Variants in TIAM1 observed in about 807,000 individuals in gnomAD.
TIAM1 encodes the protein rho guanine nucleotide exchange factor TIAM1.
A neutral mutation model predicts 163.5 loss-of-function variants in TIAM1; 65 were observed. That is an observed-to-expected ratio of 0.40 (90% CI 0.33 to 0.49). The LOEUF is 0.49. Ranked by LOEUF, TIAM1 falls within the 20% of genes least tolerant of loss-of-function variation. The pLI, the probability that TIAM1 is intolerant of heterozygous loss-of-function variation, is 0.77. For missense variants in TIAM1, 1,789 were observed against 2,044.7 expected (o/e 0.87, Z 2.41); for synonymous variants, 833 against 810.1 (o/e 1.03, Z -0.48).
intron 2 of TIAM1, among the ~76,000 whole-genome samples, chr21:31,422,310 G>A (rs2043606462): frequency 6.6e-6 from 1 of 152,184 alleles, no homozygotes; most frequent in African/African-American, 2.4e-5. Context: ...TATCAAGGAT[G>A]GAAGATACTC....
At position 31,392,233 on chromosome 21, in the gene TIAM1, C is replaced by T. The variant is rs2076976969; in HGVS notation, c.-368-52811G>A. On this transcript the variant is annotated intron_variant, in intron 2 of 28. Coordinates refer to the TIAM1 transcript ENST00000286827. Reference sequence around the variant, plus strand: ...CTCCCATTCTCAGAAGCCATGAAAACACGGTATTTTAAGGTTAACTTGGTA... The same window carrying T: ...CTCCCATTCTCAGAAGCCATGAAAATACGGTATTTTAAGGTTAACTTGGTA... 2.6e-5 allele frequency among the ~76,000 whole-genome samples: 4 copies of T among 152,200 alleles called. No individual in the cohort carries two copies. The South Asian group carries it at 8.3e-4, about 32-fold the overall frequency.
chr21:31,329,338 A>T (rs897974126), intron 2 of TIAM1, among the ~76,000 whole-genome samples: 1 of 152,264 alleles, frequency 6.6e-6, no homozygotes, highest in African/African-American at 2.4e-5. Flanking sequence ...ACCCGCAAGA[A>T]GAAACGCTGA....
intron 2 of TIAM1, among the ~76,000 whole-genome samples, chr21:31,349,492 G>A (rs558645566): frequency 1.3e-5 from 2 of 152,166 alleles, no homozygotes; most frequent in South Asian, 4.1e-4. Flanking sequence ...GTGTTCACGG[G>A]GGGTAAAAGC....
intron 1 of TIAM1, among the ~76,000 whole-genome samples, chr21:31,480,856 CAATT>C (rs1382092661): frequency 6.6e-6 from 1 of 152,182 alleles, no homozygotes; most frequent in East Asian, 1.9e-4. Context: ...CAGGTTCAGA[CAATT>C]CTCCTGCCTC....
intron 3 of TIAM1, among the ~76,000 whole-genome samples, chr21:31,271,589 T>C (rs2073058316): frequency 6.6e-6 from 1 of 152,166 alleles, no homozygotes; most frequent in Non-Finnish European, 1.5e-5. Context: ...GGGAAAGAAT[T>C]AAGGGCTTGC....
intron 2 of TIAM1, among the ~76,000 whole-genome samples, chr21:31,321,858 G>A (rs2075327072): frequency 6.6e-6 from 1 of 151,462 alleles, no homozygotes; most frequent in Admixed American, 6.6e-5. Context: ...TTCAAGACCA[G>A]CCTGGCCAAA....
At chr21:31,552,281 T>C (rs566856121) in intron 1 of TIAM1, among the ~76,000 whole-genome samples, 21 of 152,044 alleles carry the variant, frequency 1.4e-4, no homozygotes, top group African/African-American at 5.1e-4. Context: ...TACAATCAAA[T>C]CGAACTTTGC....
intron 2 of TIAM1, among the ~76,000 whole-genome samples, chr21:31,426,832 C>T (rs1569321225): frequency 6.6e-6 from 1 of 152,120 alleles, no homozygotes; most frequent in East Asian, 1.9e-4. Context: ...AAGACAGATG[C>T]TATAAAGACA....
Position 31,240,303 on chromosome 21 carries a change from A to G in TIAM1, c.1584+5185T>C, listed in dbSNP as rs546554451. Among the ~76,000 whole-genome samples the G allele has an allele frequency of 5.3e-5, 8 of 152,324 alleles. No individual in the cohort carries two copies. In the South Asian group the frequency reaches 1.7e-3, roughly 32 times the overall value. The stretch of plus-strand genomic sequence containing the variant: ...CAGTGGTAAAAAATGGTCAAAATCA[A>G]CTTTTTCACAATTCCAGAAATTAAT... On this transcript the variant is annotated intron_variant, in intron 6 of 27. Coordinates refer to ENST00000541036, the MANE Select transcript of TIAM1 (RefSeq NM_001353694.2).
rs149044427 is a variant in TIAM1, at chr21:31,538,136, T to C, written c.-422+20791A>G. 3.7e-3 allele frequency among the ~76,000 whole-genome samples: 569 copies of C among 152,372 alleles called. 4 individuals are homozygous for C. Among genetic ancestry groups the C allele is most frequent in the Non-Finnish European group, 4.8e-3 (325 of 68,026 alleles). The stretch of plus-strand genomic sequence containing the variant: ...TCAGCATGTTCTGTTTCTAGATCTA[T>C]GTGCTGGTTACATGGTTTTATCCCA... On this transcript the variant is annotated intron_variant, in intron 1 of 28. Coordinates refer to the TIAM1 transcript ENST00000286827.
chr21:31,386,053 T>C (rs541588239), intron 2 of TIAM1, among the ~76,000 whole-genome samples: 2 of 151,922 alleles, frequency 1.3e-5, no homozygotes, highest in African/African-American at 2.4e-5. Flanking sequence ...GAGAATTAAC[T>C]TCAAGGTCAA....
chr21:31,223,498 T>C lies in TIAM1; in HGVS notation c.1903A>G (p.Asn635Asp). The change falls in exon 8 of 28, where the codon AAC (asparagine) becomes GAC (aspartate). Residue 635 changes from asparagine (N) to aspartate (D), a missense_variant. Asn to Asp is a conservative substitution (Grantham distance 23, BLOSUM62 1). This residue lies in a region of TIAM1 where 456 missense variants were observed against 586.6 expected (regional missense o/e 0.78). Transcript: ENST00000541036. Reference protein sequence around the residue: ...LASLQGGELPNPKRLLAFASR... With the variant: ...LASLQGGELPDPKRLLAFASR... ...GCAAAAGCGAGAAGCCTTTTGGGGT[T>C]TGGCAGCTCCCCACCCTGAAGGCTG... is the stretch of plus-strand genomic sequence containing the variant. 6.2e-7 allele frequency: 1 copy of C among 1,613,980 alleles called. No homozygotes were observed. Among genetic ancestry groups the C allele is most frequent in the Non-Finnish European group, 8.5e-7 (1 of 1,179,944 alleles).
chr21:31,384,736 G>A (rs1228719010), intron 2 of TIAM1, among the ~76,000 whole-genome samples: 1 of 152,126 alleles, frequency 6.6e-6, no homozygotes, highest in Admixed American at 6.5e-5. Context: ...GCTGTCAGTG[G>A]AGACCCAAGA....
chr21:31,405,436 T>C (rs1331266853), intron 2 of TIAM1, among the ~76,000 whole-genome samples: 1 of 152,122 alleles, frequency 6.6e-6, no homozygotes, highest in Non-Finnish European at 1.5e-5. Flanking sequence ...TGCTTTGCTC[T>C]GCCACTAATC....
chr21:31,427,606 G>A (rs115023119), intron 2 of TIAM1, among the ~76,000 whole-genome samples: 2,045 of 152,198 alleles, frequency 0.013, 43 homozygotes, highest in African/African-American at 0.046. Context: ...TTAGGAGGCC[G>A]AGGTCAGGAG....
At chr21:31,267,070 A>C in intron 3 of TIAM1, 87 bp from the exon 4 acceptor site, 9 of 1,492,500 alleles carry the variant, frequency 6.0e-6, no homozygotes, top group Non-Finnish European at 8.0e-6. Context: ...GCCTGCAGGG[A>C]GGGCAGAACA....
At chr21:31,222,433 A>G (rs941268230) in intron 8 of TIAM1, among the ~76,000 whole-genome samples, 1 of 152,046 alleles carries the variant, frequency 6.6e-6, no homozygotes, top group African/African-American at 2.4e-5. Context: ...TTATAAACAC[A>G]CAACACAACT....
intron 15 of TIAM1, among the ~76,000 whole-genome samples, chr21:31,167,946 T>C (rs188214282): frequency 1.1e-3 from 166 of 152,140 alleles, no homozygotes; most frequent in East Asian, 3.9e-4. Flanking sequence ...CCTGAGGGGC[T>C]ACACCCCTCA....
intron 2 of TIAM1, among the ~76,000 whole-genome samples, chr21:31,389,967 G>A (rs1176042936): frequency 1.3e-5 from 2 of 152,068 alleles, no homozygotes; most frequent in African/African-American, 4.8e-5. Context: ...TATTTCCAGT[G>A]GTGGGAAAAA....
Sources: allele counts gnomAD v4.1 joint callset (sites outside exome capture counted in the v4.1 genomes callset), GRCh38; gene constraint gnomAD v4.1.1; regional missense constraint gnomAD v4.1.1; transcripts MANE v1.5; gene names NCBI Gene and HGNC (gene_info 2026-07-23, HGNC 2026-07-21).